Variants in LRCH3 observed in about 807,000 individuals in gnomAD.
The protein encoded by LRCH3 is DISP complex protein LRCH3.
LRCH3 carries 68 observed loss-of-function variants against 104.5 expected under a neutral mutation model. That is an observed-to-expected ratio of 0.65 (90% CI 0.54 to 0.80). LRCH3 has a LOEUF of 0.80. Among genes scored for constraint, LRCH3 ranks in the 30% least tolerant of loss-of-function variants. The pLI is 0.00. For synonymous variants in LRCH3, 344 were observed against 361.3 expected (o/e 0.95, Z 0.54); for missense variants, 951 against 953.9 (o/e 1.00, Z 0.04).
At chr3:197,836,804 A>G (rs529911829) in intron 9 of LRCH3, among the ~76,000 whole-genome samples, 74 of 152,200 alleles carry the variant, frequency 4.9e-4, no homozygotes, top group Middle Eastern at 3.4e-3. Flanking sequence ...CAGCCTCCCG[A>G]GTAGCTGGGA....
intron 8 of LRCH3, among the ~76,000 whole-genome samples, chr3:197,834,968 A>AT (rs973433899): frequency 8.5e-5 from 13 of 152,082 alleles, no homozygotes; most frequent in African/African-American, 3.1e-4. Flanking sequence ...ACATGGTGAA[A>AT]CCCCGTCTCT....
In LRCH3 at chr3:197,885,267, G is replaced by C. The variant is rs1315147939; in HGVS notation, c.*1601G>C. On this transcript the variant is annotated 3_prime_UTR_variant, in exon 21 of 21. Transcript: ENST00000425562. ...CTAGCTCGGAAAAGCCTAGTTTCTT[G>C]TATTTCTTTCAGGTAACTGCCAGTT... 1 of 152,218 alleles carries C rather than the reference G, an allele frequency of 6.6e-6. No individual in the cohort carries two copies. Among genetic ancestry groups the C allele is most frequent in the Non-Finnish European group, 1.5e-5 (1 of 68,060 alleles). 9.4% of individuals were successfully genotyped at this position (152,218 alleles called of 1,614,324 possible).
At chr3:197,860,347 T>C (rs1740728226) in intron 15 of LRCH3, among the ~76,000 whole-genome samples, 1 of 152,206 alleles carries the variant, frequency 6.6e-6, no homozygotes, top group African/African-American at 2.4e-5. Context: ...CTTTATTTTT[T>C]CTTGAATATT....
At chr3:197,811,313 A>G (rs956386258) in intron 1 of LRCH3, among the ~76,000 whole-genome samples, 46 of 152,066 alleles carry the variant, frequency 3.0e-4, no homozygotes, top group African/African-American at 1.1e-3. Flanking sequence ...TATTTCAGAA[A>G]TTTTCATAGT....
intron 1 of LRCH3, among the ~76,000 whole-genome samples, chr3:197,797,747 A>G (rs1301755454): frequency 1.3e-5 from 2 of 151,750 alleles, no homozygotes; most frequent in East Asian, 3.9e-4. Context: ...CTATAATCCC[A>G]GCTACTCAGG....
At chr3:197,880,657 A>G (rs972464189) in intron 20 of LRCH3, 4 of 1,536,514 alleles carry the variant, frequency 2.6e-6, no homozygotes, top group Admixed American at 3.9e-5. Context: ...GTGGCATTTT[A>G]CTGTACTGTG....
intron 15 of LRCH3, among the ~76,000 whole-genome samples, chr3:197,863,672 C>G (rs1741137116): frequency 6.6e-6 from 1 of 152,142 alleles, no homozygotes; most frequent in Admixed American, 6.6e-5. Flanking sequence ...TTTAGGTAAG[C>G]TTTGTAACTG....
At chr3:197,817,340 GTGTGTC>G in intron 3 of LRCH3, 38 bp downstream of exon 3, 2 of 519,626 alleles carry the variant, frequency 3.8e-6, no homozygotes, top group Non-Finnish European at 2.6e-6. Context: ...ATGTGTGTGT[GTGTGTC>G]TGTGTGTGTG....
chr3:197,842,646 A>G (rs896838073), intron 10 of LRCH3, among the ~76,000 whole-genome samples: 2 of 152,170 alleles, frequency 1.3e-5, no homozygotes, highest in Non-Finnish European at 2.9e-5. Context: ...CGCTACCCAC[A>G]TAGAGTCTAC....
At chr3:197,870,961 T>C (rs910009781) in intron 18 of LRCH3, among the ~76,000 whole-genome samples, 4 of 152,342 alleles carry the variant, frequency 2.6e-5, no homozygotes, top group Non-Finnish European at 2.9e-5. Flanking sequence ...CTTCCTGTTA[T>C]AAAGAAATAT....
chr3:197,846,144 C>G (rs77098139), intron 10 of LRCH3, among the ~76,000 whole-genome samples: 2,674 of 151,408 alleles, frequency 0.018, 33 homozygotes, highest in East Asian at 0.038. Flanking sequence ...GGCCCACACC[C>G]GTAATCCCAG....
rs140027393 is a variant in LRCH3, at chr3:197,791,301, C to T, written c.23C>T (p.Ala8Val). ...GAAATGGCGGCCGCGGGCTTGGTCG[C>T]TGTGGCAGCGGCTGCCGAGTACTCT... MAAAGLV[A>V]VAAAAEYSGT... Residue 8 changes from alanine (A) to valine (V), a missense_variant, in exon 1 of 21, where the codon GCT (alanine) becomes GTT (valine). Ala to Val is a moderately conservative substitution (Grantham distance 64, BLOSUM62 0). Transcript: ENST00000425562. 1.8e-4 allele frequency: 289 copies of T among 1,608,810 alleles called. No individual in the cohort carries two copies. Among genetic ancestry groups the T allele is most frequent in the Non-Finnish European group, 1.9e-4 (221 of 1,178,772 alleles).
intron 1 of LRCH3, among the ~76,000 whole-genome samples, chr3:197,797,289 A>G (rs1416087479): frequency 7.4e-6 from 1 of 134,540 alleles, no homozygotes; most frequent in Non-Finnish European, 1.5e-5. Context: ...AGATCACGCC[A>G]TTGCACTCCA....
chr3:197,870,604 G>A (rs1385652031), intron 18 of LRCH3, among the ~76,000 whole-genome samples: 7 of 152,188 alleles, frequency 4.6e-5, no homozygotes, highest in Non-Finnish European at 1.0e-4. Flanking sequence ...GACCTCAGGT[G>A]ATCCACTGGC....
intron 15 of LRCH3, among the ~76,000 whole-genome samples, chr3:197,860,943 A>G (rs577152854): frequency 7.6e-5 from 11 of 143,892 alleles, no homozygotes; most frequent in African/African-American, 2.6e-4. Context: ...GTCTGTCTGC[A>G]TTGTGCTTTT....
chr3:197,880,710 C>T (rs766873632), intron 20 of LRCH3: 67 of 1,536,598 alleles, frequency 4.4e-5, no homozygotes, highest in Non-Finnish European at 5.2e-5. Context: ...CTTCCCCGCT[C>T]GCTGAAAGAT....
chr3:197,882,129 G>A (rs1417977785), intron 20 of LRCH3: 5 of 985,254 alleles, frequency 5.1e-6, no homozygotes, highest in South Asian at 4.7e-5. Context: ...GAGAACACAC[G>A]GCACTCCCTC....
chr3:197,866,610 C>T (rs1416118196), intron 17 of LRCH3, among the ~76,000 whole-genome samples: 1 of 152,152 alleles, frequency 6.6e-6, no homozygotes, highest in East Asian at 1.9e-4. Context: ...TGACAAATTT[C>T]TCCCTGGTCC....
Position 197,832,173 on chromosome 3 carries a change from T to C in LRCH3, c.982-24T>C, listed in dbSNP as rs746059492. 3.7e-6 allele frequency: 6 copies of C among 1,604,368 alleles called. No homozygotes were observed. In the Admixed American group the frequency reaches 5.1e-5, roughly 14 times the overall value. On this transcript the variant is annotated intron_variant, in intron 7 of 20. Transcript: ENST00000425562. ...TGCCAGGCTCTAAAATGATTGTTTT[T>C]AATGTTTCTGCTTCTTTTTTAAGCC...
Sources: gnomAD v4.1 joint callset for allele counts (sites outside exome capture counted in the v4.1 genomes callset) on GRCh38, gnomAD v4.1.1 for gene constraint, MANE v1.5 for transcripts, NCBI Gene and HGNC (gene_info 2026-07-23, HGNC 2026-07-21) for gene names.